The following HS3ST5 variants were observed in gnomAD, a reference collection of about 807,000 sequenced individuals.
HS3ST5 encodes the protein heparan sulfate-glucosamine 3-sulfotransferase 5.
HS3ST5 carries 10 observed loss-of-function variants against 25.4 expected under a neutral mutation model. The observed-to-expected ratio is 0.39, with a 90% CI of 0.24 to 0.67. The LOEUF is 0.67. Ranked by LOEUF, HS3ST5 falls within the 30% of genes least tolerant of loss-of-function variation. The pLI is 0.44. For missense variants in HS3ST5, 324 were observed against 420.7 expected (o/e 0.77, Z 2.01); for synonymous variants, 170 against 162.4 (o/e 1.05, Z -0.36).
intron 3 of HS3ST5, among the ~76,000 whole-genome samples, chr6:114,103,103 G>T (rs1264725186): frequency 2.0e-5 from 3 of 152,080 alleles, no homozygotes; most frequent in Non-Finnish European, 2.9e-5. Context: ...TTCTTACCCT[G>T]TTCAGTCTCA....
intron 1 of HS3ST5, among the ~76,000 whole-genome samples, chr6:114,280,762 T>C (rs1256815547): frequency 1.3e-5 from 2 of 152,044 alleles, no homozygotes; most frequent in African/African-American, 4.8e-5. Flanking sequence ...TTGAAGGTAA[T>C]CTGACCTGCT....
chr6:114,270,366 TA>T (rs1168993343), intron 1 of HS3ST5, among the ~76,000 whole-genome samples: 6 of 152,140 alleles, frequency 3.9e-5, no homozygotes, highest in East Asian at 3.9e-4. Context: ...AAGGAACTTT[TA>T]AAAAAAATCC....
chr6:114,301,816 C>T (rs1358398370), intron 1 of HS3ST5, among the ~76,000 whole-genome samples: 15 of 152,250 alleles, frequency 9.9e-5, no homozygotes. Context: ...ACACAGCCTG[C>T]CACATGCCAC....
intron 1 of HS3ST5, among the ~76,000 whole-genome samples, chr6:114,308,214 G>A (rs1024495281): frequency 5.9e-5 from 9 of 152,008 alleles, no homozygotes; most frequent in African/African-American, 1.7e-4. Flanking sequence ...ATTATCTCTG[G>A]AGCATAAGTC....
intron 3 of HS3ST5, among the ~76,000 whole-genome samples, chr6:114,144,521 A>G (rs1778061227): frequency 1.3e-5 from 2 of 152,238 alleles, no homozygotes; most frequent in South Asian, 2.1e-4. Flanking sequence ...TTCCTACCAT[A>G]TGACCAAACA....
rs192356037 is a variant in HS3ST5, at chr6:114,216,849, T to C, written c.-145+11736A>G. Among the ~76,000 whole-genome samples the C allele has an allele frequency of 1.8e-4, 28 of 151,402 alleles. No homozygotes were observed. In the East Asian group the frequency reaches 4.7e-3, roughly 25 times the overall value. Reference sequence around the variant, plus strand: ...GGAAGGACTTCATGGCTGCCCACAGTAGGTTAAAGCTCTCTCAGGGTAGGC... The same window carrying C: ...GGAAGGACTTCATGGCTGCCCACAGCAGGTTAAAGCTCTCTCAGGGTAGGC... On this transcript the variant is annotated intron_variant, in intron 2 of 4. Coordinates refer to ENST00000312719, the MANE Select transcript of HS3ST5 (RefSeq NM_153612.4).
chr6:114,166,085 A>G (rs960916437), intron 3 of HS3ST5, among the ~76,000 whole-genome samples: 1 of 151,440 alleles, frequency 6.6e-6, no homozygotes, highest in Non-Finnish European at 1.5e-5. Flanking sequence ...TAAGTGTTCA[A>G]AACTGCTCAT....
chr6:114,277,866 G>C (rs1256373940), intron 1 of HS3ST5, among the ~76,000 whole-genome samples: 1 of 151,954 alleles, frequency 6.6e-6, no homozygotes, highest in African/African-American at 2.4e-5. Context: ...CGAGGTTATA[G>C]TTGTAATTAC....
chr6:114,244,741 C>T (rs915237482), intron 1 of HS3ST5, among the ~76,000 whole-genome samples: 1 of 152,134 alleles, frequency 6.6e-6, no homozygotes, highest in Non-Finnish European at 1.5e-5. Flanking sequence ...AAATCTGTTC[C>T]TTACCATCTA....
At chr6:114,132,499 A>C (rs1008116916) in intron 3 of HS3ST5, among the ~76,000 whole-genome samples, 2 of 152,236 alleles carry the variant, frequency 1.3e-5, no homozygotes, top group Non-Finnish European at 2.9e-5. Context: ...AAATACCAGC[A>C]GGGCAGGCAT....
At chr6:114,062,262 G>A (rs528177253) in intron 4 of HS3ST5, among the ~76,000 whole-genome samples, 14 of 152,180 alleles carry the variant, frequency 9.2e-5, no homozygotes, top group African/African-American at 3.4e-4. Context: ...AACTCCCCAC[G>A]CCTGCAGCCA....
intron 2 of HS3ST5, among the ~76,000 whole-genome samples, chr6:114,215,130 C>T (rs545684756): frequency 6.6e-6 from 1 of 151,984 alleles, no homozygotes; most frequent in South Asian, 2.1e-4. Context: ...ATGGTGAAAC[C>T]CCGTCTCTAC....
intron 1 of HS3ST5, among the ~76,000 whole-genome samples, chr6:114,330,719 T>C (rs1776359955): frequency 6.6e-6 from 1 of 152,172 alleles, no homozygotes; most frequent in African/African-American, 2.4e-5. Flanking sequence ...CCCACTTGGT[T>C]CTCTTCTGAA....
intron 3 of HS3ST5, chr6:114,143,995 T>G (rs1194061720): frequency 6.6e-6 from 1 of 152,262 alleles, no homozygotes; most frequent in Non-Finnish European, 1.5e-5. Context: ...TGTATATTAT[T>G]CTCAAATAAA....
intron 3 of HS3ST5, among the ~76,000 whole-genome samples, chr6:114,115,607 C>T (rs959026743): frequency 1.3e-5 from 2 of 152,030 alleles, no homozygotes; most frequent in African/African-American, 4.8e-5. Flanking sequence ...TCCACAAATG[C>T]AAAAAACATG....
At chr6:114,058,228 C>T (rs376122433) in intron 4 of HS3ST5, 38 bp from the exon 5 acceptor site, 42 of 1,488,932 alleles carry the variant, frequency 2.8e-5, no homozygotes, top group Non-Finnish European at 3.7e-5. Flanking sequence ...CTCATTGCAA[C>T]TAACTTTTCA....
chr6:114,307,129 G>C (rs1415926611), intron 1 of HS3ST5, among the ~76,000 whole-genome samples: 1 of 152,118 alleles, frequency 6.6e-6, no homozygotes, highest in Non-Finnish European at 1.5e-5. Context: ...AAGGCCCAAA[G>C]CCTTATGTTG....
chr6:114,081,748 T>C (rs1243391242), intron 3 of HS3ST5, among the ~76,000 whole-genome samples: 1 of 152,228 alleles, frequency 6.6e-6, no homozygotes, highest in African/African-American at 2.4e-5. Context: ...TCTCCAAATC[T>C]CCCTATATGG....
chr6:114,297,292 G>T (rs1237364998), intron 1 of HS3ST5, among the ~76,000 whole-genome samples: 1 of 152,114 alleles, frequency 6.6e-6, no homozygotes, highest in Non-Finnish European at 1.5e-5. Flanking sequence ...CCTTCACAGG[G>T]CTCCGGTTTA....
Sources: allele counts gnomAD v4.1 joint callset (sites outside exome capture counted in the v4.1 genomes callset), GRCh38; gene constraint gnomAD v4.1.1; transcripts MANE v1.5; gene names NCBI Gene and HGNC (gene_info 2026-07-23, HGNC 2026-07-21).